The following C4BPB variants were observed in gnomAD, a reference collection of about 807,000 sequenced individuals.
C4BPB encodes complement component 4 binding protein beta.
In C4BPB, 19 loss-of-function variants were observed where a neutral mutation model predicts 26.6. That is an observed-to-expected ratio of 0.71 (90% CI 0.50 to 1.05). The LOEUF is 1.05. Ranked by LOEUF, C4BPB falls within the 50% of genes least tolerant of loss-of-function variation. The probability of loss-of-function intolerance (pLI) is 0.00; values close to 1 mark genes in which losing one functional copy is unlikely to be tolerated. For missense variants in C4BPB, 282 were observed against 302.9 expected (o/e 0.93, Z 0.51); for synonymous variants, 118 against 103.5 (o/e 1.14, Z -0.85).
chr1:207,099,736 T>C (rs530886770), intron 6 of C4BPB, 53 bp from the exon 7 acceptor site: 454 of 1,545,708 alleles, frequency 2.9e-4, no homozygotes, highest in South Asian at 5.1e-4. Flanking sequence ...TCAGAGTATA[T>C]AGCTGGGTCT....
rs200340103 is a variant in C4BPB at position 207,090,389 on chromosome 1, A to T, written c.140A>T (p.Tyr47Phe). 5.3e-5 allele frequency: 86 copies of T among 1,614,054 alleles called. 4 individuals are homozygous for T. The Admixed American group carries it at 1.1e-3, about 21-fold the overall frequency. ...GTGGAAGGACAGATTCTGGGGACTT[A>T]CGTTTGTATCAAGGGCTACCACCTG... ...KEVEGQILGTYVCIKGYHLVG... is the reference protein window; with the variant it reads ...KEVEGQILGTFVCIKGYHLVG... Residue 47 changes from tyrosine (Y) to phenylalanine (F), a missense_variant, in exon 3 of 7, where the codon TAC (tyrosine) becomes TTC (phenylalanine). By Grantham distance (22) the Tyr-to-Phe change is conservative. Transcript: ENST00000367078.
chr1:207,098,038 G>A, intron 5 of C4BPB, 112 bp from the exon 6 acceptor site: 1 of 796,378 alleles, frequency 1.3e-6, no homozygotes, highest in Non-Finnish European at 2.1e-6. Flanking sequence ...TCAAGGGCAG[G>A]GAGGTGGATT....
At chr1:207,097,844 T>G (rs1212644620) in intron 5 of C4BPB, 1 of 212,200 alleles carries the variant, frequency 4.7e-6, no homozygotes, top group Admixed American at 5.7e-5. Context: ...GGTTATTGAA[T>G]GATAAAGTGC....
At chr1:207,099,731 G>GT (rs1684390340) in intron 6 of C4BPB, 58 bp from the exon 7 acceptor site, 1 of 1,514,420 alleles carries the variant, frequency 6.6e-7, no homozygotes, top group African/African-American at 1.4e-5. Context: ...TGGCTTCAGA[G>GT]TATATAGCTG....
At chr1:207,090,504 T>A (rs1384357425) in intron 3 of C4BPB, 23 bp downstream of exon 3, 1 of 1,573,672 alleles carries the variant, frequency 6.4e-7, no homozygotes. Context: ...TTTCTGTATC[T>A]TTGCCCATAT....
In C4BPB at chr1:207,090,499, G is replaced by GT; in HGVS notation, c.232+19dup. The GT allele has an allele frequency of 1.3e-6, 2 of 1,585,176 alleles. No individual in the cohort carries two copies. The highest frequency in any genetic ancestry group is 1.7e-6 in the Non-Finnish European group (2 of 1,164,704). On this transcript the variant is annotated intron_variant, in intron 3 of 6. Transcript: ENST00000367078. ...GTGCCGCTGTAAGTTAGATCTTTCT[G>GT]TATCTTTGCCCATATTGATATCCTG...
Position 207,091,649 on chromosome 1 carries a change from C to A in C4BPB, c.238C>A (p.His80Asn). ...TTGCTTATTTTCTTCTTCAGTGGGC[C>A]ACTGTCCTGATCCTGTGCTGGTGAA... is the stretch of plus-strand genomic sequence containing the variant. Reference protein sequence around the residue: ...DNTTTECRLGHCPDPVLVNGE... With the variant: ...DNTTTECRLGNCPDPVLVNGE... The change falls in exon 4 of 7, where the codon CAC becomes AAC. Residue 80 changes from histidine (H) to asparagine (N), a missense_variant. His to Asn is a moderately conservative substitution (Grantham distance 68, BLOSUM62 1). Coordinates refer to ENST00000367078, the MANE Select transcript of C4BPB (RefSeq NM_001017365.3). 1 of 1,612,702 alleles carries A rather than the reference C, an allele frequency of 6.2e-7. No individual in the cohort carries two copies. The highest frequency in any genetic ancestry group is 8.5e-7 in the Non-Finnish European group (1 of 1,179,428).
In C4BPB at chr1:207,099,800, G is replaced by A; in HGVS notation, c.630G>A (p.Gln210=). Residue 210 remains glutamine (Q), a synonymous_variant, in exon 7 of 7, where the codon CAG becomes CAA. Coordinates refer to ENST00000367078, the MANE Select transcript of C4BPB (RefSeq NM_001017365.3). ...TTTTCTTTCTTCAGCTTGCCTTTCAGGAGAGTAAGAACCTCTGCGAAGCCA... is the reference window on the plus strand; with the variant it reads ...TTTTCTTTCTTCAGCTTGCCTTTCAAGAGAGTAAGAACCTCTGCGAAGCCA... ...PECEKALLAF[Q]ESKNLCEAME... The A allele has an allele frequency of 6.2e-7, 1 of 1,611,924 alleles. No individual in the cohort carries two copies. The highest frequency in any genetic ancestry group is 8.5e-7 in the Non-Finnish European group (1 of 1,179,390).
chr1:207,093,855 T>A (rs551601010), intron 4 of C4BPB, among the ~76,000 whole-genome samples: 15 of 152,272 alleles, frequency 9.9e-5, no homozygotes, highest in African/African-American at 2.9e-4. Context: ...AAAGAGTTAA[T>A]GTTTTTAATA....
At position 207,098,157 on chromosome 1, in the gene C4BPB, T is replaced by A; in HGVS notation, c.511T>A (p.Leu171Ile). The A allele has an allele frequency of 6.2e-7, 1 of 1,613,358 alleles. No homozygotes were observed. Among genetic ancestry groups the A allele is most frequent in the Non-Finnish European group, 8.5e-7 (1 of 1,179,346 alleles). ...GTTCTAATTTCTGTTCAGGTACTACTTAGTGGGCGTGCAGGAGCAGCAATG... is the reference window on the plus strand; with the variant it reads ...GTTCTAATTTCTGTTCAGGTACTACATAGTGGGCGTGCAGGAGCAGCAATG... ...ISYYCEDRYY[L>I]VGVQEQQCVD... The change falls in exon 6 of 7, where the codon TTA becomes ATA. Residue 171 changes from leucine (L) to isoleucine (I), a missense_variant. Transcript: ENST00000367078.
Position 207,089,596 on chromosome 1 carries a change from A to T in C4BPB, c.58+7A>T. ...CGAGTTTCTGCTTCAGATGGTACGTATGCTTTCCTTCAACTCAGCTTACAG... is the reference window on the plus strand; with the variant it reads ...CGAGTTTCTGCTTCAGATGGTACGTTTGCTTTCCTTCAACTCAGCTTACAG... On this transcript the variant is annotated splice_region_variant and intron_variant, in intron 2 of 6. Coordinates refer to ENST00000367078, the MANE Select transcript of C4BPB (RefSeq NM_001017365.3). 1 of 1,613,666 alleles carries T rather than the reference A, an allele frequency of 6.2e-7. No homozygotes were observed. The highest frequency in any genetic ancestry group is 8.5e-7 in the Non-Finnish European group (1 of 1,179,636).
At chr1:207,089,444 T>G in intron 1 of C4BPB, 38 bp from the exon 2 acceptor site, 1 of 1,161,714 alleles carries the variant, frequency 8.6e-7, no homozygotes, top group Non-Finnish European at 1.3e-6. Context: ...TAGGTTGGTC[T>G]TAAGCAGTGT....
chr1:207,098,654 C>T (rs898129107), intron 6 of C4BPB, among the ~76,000 whole-genome samples: 2 of 152,118 alleles, frequency 1.3e-5, no homozygotes, highest in Non-Finnish European at 2.9e-5. Context: ...TTATTGTGTA[C>T]TTTATTTCTA....
chr1:207,097,313 C>G (rs543983122), intron 5 of C4BPB, among the ~76,000 whole-genome samples: 1 of 151,780 alleles, frequency 6.6e-6, no homozygotes, highest in Non-Finnish European at 1.5e-5. Context: ...CCTAGGCTCA[C>G]GAGATCCTCC....
rs1254861708 is a variant in C4BPB at position 207,091,681 on chromosome 1, G to A, written c.270G>A (p.Glu90=). 1.2e-6 allele frequency: 2 copies of A among 1,613,908 alleles called. No homozygotes were observed. Among genetic ancestry groups the A allele is most frequent in the African/African-American group, 2.7e-5 (2 of 74,904 alleles). Residue 90 remains glutamate, a synonymous_variant, in exon 4 of 7, where the codon GAG becomes GAA. Coordinates refer to ENST00000367078, the MANE Select transcript of C4BPB (RefSeq NM_001017365.3). ...CTGATCCTGTGCTGGTGAATGGAGA[G>A]TTCAGTTCTTCAGGGCCTGTGAATG... is the stretch of plus-strand genomic sequence containing the variant. The part of the protein sequence containing the change: ...HCPDPVLVNG[E]FSSSGPVNVS...
chr1:207,099,926 G>C lies in C4BPB; in HGVS notation c.756G>C (p.Leu252Phe). The change falls in exon 7 of 7, where the codon TTG becomes TTC. Residue 252 changes from leucine to phenylalanine, a missense_variant. Transcript: ENST00000367078. Reference protein sequence around the residue: ...LKKAELKAKLL With the variant: ...LKKAELKAKLF ...AAGCTGAGTTGAAGGCAAAATTGTT[G>C]TAACACTACAGCTGAGCAGATGTAA... The C allele has an allele frequency of 1.2e-6, 2 of 1,612,466 alleles. No homozygotes were observed. The highest frequency in any genetic ancestry group is 2.2e-5 in the East Asian group (1 of 44,868).
At chr1:207,089,614 G>C (rs1339003561) in intron 2 of C4BPB, 25 bp downstream of exon 2, 5 of 1,609,152 alleles carry the variant, frequency 3.1e-6, no homozygotes, top group Admixed American at 1.7e-5. Context: ...CTTCAACTCA[G>C]CTTACAGGCA....
Position 207,089,587 on chromosome 1 carries a change from A to T in C4BPB, c.56A>T (p.Asp19Val). 6.2e-7 allele frequency: 1 copy of T among 1,613,838 alleles called. No homozygotes were observed. Among genetic ancestry groups the T allele is most frequent in the South Asian group, 1.1e-5 (1 of 91,074 alleles). Residue 19 changes from aspartate to valine, a missense_variant and splice_region_variant, in exon 2 of 7, where the codon GAT (aspartate) becomes GTT (valine). Coordinates refer to ENST00000367078, the MANE Select transcript of C4BPB (RefSeq NM_001017365.3). ...GTTGCGTGGCGAGTTTCTGCTTCAG[A>T]TGGTACGTATGCTTTCCTTCAACTC... ...LMVAWRVSAS[D>V]AEHCPELPPV...
At chr1:207,098,390 G>A (rs529011832) in intron 6 of C4BPB, 126 bp downstream of exon 6, 1 of 622,484 alleles carries the variant, frequency 1.6e-6, no homozygotes, top group Non-Finnish European at 2.9e-6. Context: ...GGTTGGCCTT[G>A]GCCTGGCTGT....
Sources: gnomAD v4.1 joint callset for allele counts (sites outside exome capture counted in the v4.1 genomes callset) on GRCh38, gnomAD v4.1.1 for gene constraint, MANE v1.5 for transcripts, NCBI Gene and HGNC (gene_info 2026-07-23, HGNC 2026-07-21) for gene names.